CHD9: variants seen among roughly 807,000 people sequenced by gnomAD.
The protein encoded by CHD9 is ATP-dependent chromatin remodeler CHD9.
In CHD9, 77 loss-of-function variants were observed where a neutral mutation model predicts 316.1. The ratio of observed to expected loss-of-function variants is 0.24; its 90% CI spans 0.20 to 0.29. CHD9 has a LOEUF of 0.29. CHD9 is among the 10% of genes least tolerant of loss of function. The probability of loss-of-function intolerance (pLI) is 1.00; values close to 1 mark genes in which losing one functional copy is unlikely to be tolerated. For synonymous variants in CHD9, 1,129 were observed against 1,158.3 expected (o/e 0.97, Z 0.51); for missense variants, 2,763 against 3,438.1 (o/e 0.80, Z 4.91).
chr16:53,059,655 C>G (rs1444788792), intron 1 of CHD9, among the ~76,000 whole-genome samples: 3 of 152,212 alleles, frequency 2.0e-5, no homozygotes, highest in Non-Finnish European at 4.4e-5. Context: ...ATGGGGCAGC[C>G]AGGCCTCAAT....
chr16:53,177,445 T>A (rs1233905047), intron 2 of CHD9, among the ~76,000 whole-genome samples: 3 of 152,230 alleles, frequency 2.0e-5, no homozygotes, highest in Admixed American at 2.0e-4. Context: ...CAGTATTTTT[T>A]AATTAATGAT....
intron 2 of CHD9, among the ~76,000 whole-genome samples, chr16:53,160,394 G>T (rs2041826253): frequency 6.6e-6 from 1 of 152,162 alleles, no homozygotes; most frequent in Non-Finnish European, 1.5e-5. Context: ...AACTAAAGCA[G>T]TCTCTAATGC....
chr16:53,232,404 A>T (rs8056314), intron 10 of CHD9, among the ~76,000 whole-genome samples: 4,926 of 152,262 alleles, frequency 0.032, 99 homozygotes, highest in Middle Eastern at 0.071. Flanking sequence ...CTTTTCAAAA[A>T]TTAGAGATGC....
Position 53,243,559 on chromosome 16 carries a change from C to T in CHD9, c.3054+543C>T, listed in dbSNP as rs192357544. 2.5e-4 allele frequency among the ~76,000 whole-genome samples: 38 copies of T among 152,264 alleles called. No individual in the cohort carries two copies. The East Asian group carries it at 5.8e-3, about 23-fold the overall frequency. On this transcript the variant is annotated intron_variant, in intron 13 of 38. Transcript: ENST00000447540. ...AACTCCCGACCTCAGGTTATCCACC[C>T]GCCTCAGCCTCCAAAAGTGCTGGGA...
intron 22 of CHD9, among the ~76,000 whole-genome samples, chr16:53,270,036 G>T (rs140099980): frequency 2.7e-3 from 404 of 152,124 alleles, no homozygotes; most frequent in African/African-American, 9.3e-3. Flanking sequence ...ACAGGGTCTC[G>T]TTCTGTTGCC....
intron 3 of CHD9, among the ~76,000 whole-genome samples, chr16:53,210,719 T>G (rs1177435320): frequency 6.6e-6 from 1 of 152,096 alleles, no homozygotes; most frequent in Non-Finnish European, 1.5e-5. Context: ...AAAATCTTCA[T>G]TTGCTCAGAA....
At position 53,255,609 on chromosome 16, in the gene CHD9, C is replaced by A. The variant is rs1331264843; in HGVS notation, c.4039C>A (p.Leu1347Ile). ...GTTAATTTCTCCTTAGATTCAGCAG[C>A]TTTCCAAAAAGGAAATAGAAGATCT... ...RESNVGGIQQ[L>I]SKKEIEDLLR... Residue 1347 changes from leucine to isoleucine, a missense_variant, in exon 19 of 39, where the codon CTT becomes ATT. Physicochemically the swap from Leu to Ile is conservative, Grantham distance 5 (BLOSUM62 2). Around this residue, in one of 15 missense-constraint regions of CHD9, gnomAD observed 199 missense variants for 251.7 expected, o/e 0.79. Coordinates refer to ENST00000447540, the MANE Select transcript of CHD9 (RefSeq NM_001308319.2). 2 of 1,610,910 alleles carry A rather than the reference C, an allele frequency of 1.2e-6. No homozygotes were observed. Among genetic ancestry groups the A allele is most frequent in the African/African-American group, 2.7e-5 (2 of 74,672 alleles).
rs1363652873 is a variant in CHD9 at position 53,130,525 on chromosome 16, C to T, written c.-164-25401C>T. Among the ~76,000 whole-genome samples, 5 of 149,246 alleles carry T rather than the reference C, an allele frequency of 3.4e-5. No individual in the cohort carries two copies. In the East Asian group the frequency reaches 7.9e-4, roughly 23 times the overall value. On this transcript the variant is annotated intron_variant, in intron 1 of 38. Transcript: ENST00000447540. ...GGAGAGGCCGCCGTGAGGGCGCGGC[C>T]TGACGTGGCGGCCGCGGCGGGGCTG...
At chr16:53,276,464 C>T (rs59212797) in intron 24 of CHD9, among the ~76,000 whole-genome samples, 39,841 of 152,066 alleles carry the variant, frequency 0.26, 5,329 homozygotes, top group Middle Eastern at 0.29. Context: ...TTCCACCCTC[C>T]AACTACCACC....
rs145715662 is a variant in CHD9 at position 53,090,954 on chromosome 16, G to A, written c.-165+35877G>A. Reference sequence around the variant, plus strand: ...CATGCTCTCACACGCCCATTTGCTAGGCATCTGCTGCCCTGTGTTTTGTGG... The same window carrying A: ...CATGCTCTCACACGCCCATTTGCTAAGCATCTGCTGCCCTGTGTTTTGTGG... On this transcript the variant is annotated intron_variant, in intron 1 of 38. Transcript: ENST00000447540. Among the ~76,000 whole-genome samples, 13 of 108,702 alleles carry A rather than the reference G, an allele frequency of 1.2e-4. No homozygotes were observed. The East Asian group carries it at 3.8e-3, about 32-fold the overall frequency. 71.3% of individuals were successfully genotyped at this position (108,702 alleles called of 152,430 possible). A position where few individuals can be genotyped will look rare whatever the true frequency, so the allele number is the denominator to read the frequency against.
intron 4 of CHD9, among the ~76,000 whole-genome samples, chr16:53,225,808 G>A (rs1007029230): frequency 2.0e-5 from 3 of 151,820 alleles, no homozygotes; most frequent in Non-Finnish European, 2.9e-5. Context: ...ACAGTTTCAT[G>A]TGTTTTGGCA....
At chr16:53,311,167 C>A (rs2056445747) in intron 34 of CHD9, 1 of 148,156 alleles carries the variant, frequency 6.7e-6, no homozygotes, top group South Asian at 2.2e-4. Context: ...CAGAGCAAGA[C>A]CTGTCTCAAA....
Position 53,287,882 on chromosome 16 carries a change from C to T in CHD9, c.5190-75C>T. On this transcript the variant is annotated intron_variant, in intron 26 of 38. Transcript: ENST00000447540. The stretch of plus-strand genomic sequence containing the variant: ...ACTTTTAAAACAAACTAAAACCCTC[C>T]AACAAGACTTTGTCCTATCAAGTGA... 2.5e-6 allele frequency: 3 copies of T among 1,217,266 alleles called. No individual in the cohort carries two copies. In the Admixed American group the frequency reaches 5.1e-5, roughly 21 times the overall value. The allele number at this position is 1,217,266 out of a possible 1,614,324, so 75.4% of individuals were successfully genotyped here. A position where few individuals can be genotyped will look rare whatever the true frequency, so the allele number is the denominator to read the frequency against.
intron 27 of CHD9, among the ~76,000 whole-genome samples, chr16:53,289,492 G>C (rs1017896786): frequency 6.6e-6 from 1 of 152,166 alleles, no homozygotes. Flanking sequence ...ATAAGACACA[G>C]TTCATAAAGG....
At chr16:53,082,204 A>T (rs1302770248) in intron 1 of CHD9, among the ~76,000 whole-genome samples, 1 of 12,004 alleles carries the variant, frequency 8.3e-5, no homozygotes, top group Non-Finnish European at 2.3e-4. Flanking sequence ...AGAACATTTT[A>T]TTTATTTATT....
At chr16:53,074,213 A>T (rs2034334712) in intron 1 of CHD9, among the ~76,000 whole-genome samples, 1 of 152,128 alleles carries the variant, frequency 6.6e-6, no homozygotes, top group East Asian at 1.9e-4. Flanking sequence ...ATTGAGAGAG[A>T]TGATTTAGGG....
chr16:53,254,447 C>T lies in CHD9; in HGVS notation c.3871C>T (p.Arg1291Cys), dbSNP rs1189849910. 6.4e-7 allele frequency: 1 copy of T among 1,566,096 alleles called. No individual in the cohort carries two copies. The highest frequency in any genetic ancestry group is 8.7e-7 in the Non-Finnish European group (1 of 1,152,578). The change falls in exon 18 of 39, where the codon CGT becomes TGT. Residue 1291 changes from arginine to cysteine, a missense_variant. By Grantham distance (180) the Arg-to-Cys change is radical. Transcript: ENST00000447540. ...CTTTTCATTTTTATAGGCCCAAGCT[C>T]GTTGCCACAGAATTGGTCAGAACAA... is the stretch of plus-strand genomic sequence containing the variant. ...NPQNDLQAQA[R>C]CHRIGQNKAV...
intron 1 of CHD9, among the ~76,000 whole-genome samples, chr16:53,109,323 G>A (rs963005284): frequency 2.6e-5 from 4 of 152,276 alleles, no homozygotes; most frequent in African/African-American, 9.6e-5. Flanking sequence ...AAGCAATTTT[G>A]GGACTCGTAG....
chr16:53,145,259 C>G, intron 1 of CHD9, among the ~76,000 whole-genome samples: 1 of 151,638 alleles, frequency 6.6e-6, no homozygotes, highest in South Asian at 2.1e-4. Flanking sequence ...TCAAATGATT[C>G]TCCTGACTCA....
Sources: allele counts gnomAD v4.1 joint callset (sites outside exome capture counted in the v4.1 genomes callset), GRCh38; gene constraint gnomAD v4.1.1; regional missense constraint gnomAD v4.1.1; transcripts MANE v1.5; gene names NCBI Gene and HGNC (gene_info 2026-07-23, HGNC 2026-07-21).